The following HRH1 variants were observed in gnomAD, a reference collection of about 807,000 sequenced individuals.
The protein encoded by HRH1 is histamine H1 receptor.
In HRH1, 6 loss-of-function variants were observed where a neutral mutation model predicts 10.3. The ratio of observed to expected loss-of-function variants is 0.58; its 90% confidence interval spans 0.32 to 1.15. The LOEUF (loss-of-function observed/expected upper bound fraction) is 1.15, where lower values mean the gene tolerates loss of function less well. Among genes scored for constraint, HRH1 ranks in the 50% most tolerant of loss-of-function variants. The pLI, the probability that HRH1 is intolerant of heterozygous loss-of-function variation, is 0.05. For synonymous variants in HRH1, 242 were observed against 236.7 expected, an observed-to-expected ratio of 1.02 and a Z score of -0.21; for missense variants, 514 against 615.3, an observed-to-expected ratio of 0.84 and a Z score of 1.74.
At chr3:11,187,289 A>G (rs1400680675) in intron 1 of HRH1, among the ~76,000 whole-genome samples, 1 of 152,192 alleles carries the variant, frequency 6.6e-6, no homozygotes, top group African/African-American at 2.4e-5. Context: ...AAAAGGGTAT[A>G]GGAGGCTCCT....
intron 1 of HRH1, among the ~76,000 whole-genome samples, chr3:11,258,242 C>CAA (rs33992856): frequency 6.0e-4 from 46 of 76,322 alleles, no homozygotes; most frequent in Non-Finnish European, 8.5e-4. Context: ...TGATGTAAGC[C>CAA]AAAAAAAAAA....
At chr3:11,139,931 G>A (rs560086384) in intron 1 of HRH1, among the ~76,000 whole-genome samples, 1 of 152,244 alleles carries the variant, frequency 6.6e-6, no homozygotes, top group South Asian at 2.1e-4. Flanking sequence ...TATACTAAAA[G>A]CACTGAACTT....
At chr3:11,181,173 C>T (rs1051041146) in intron 1 of HRH1, among the ~76,000 whole-genome samples, 1 of 152,110 alleles carries the variant, frequency 6.6e-6, no homozygotes, top group African/African-American at 2.4e-5. Flanking sequence ...GTCCCAGCCA[C>T]TCAGGAGGCT....
At chr3:11,233,855 A>G (rs1363954527) in intron 1 of HRH1, among the ~76,000 whole-genome samples, 1 of 152,228 alleles carries the variant, frequency 6.6e-6, no homozygotes, top group Non-Finnish European at 1.5e-5. Flanking sequence ...TGTTTCTATT[A>G]CTTGTATTAT....
At chr3:11,180,335 G>A (rs1937328473) in intron 1 of HRH1, among the ~76,000 whole-genome samples, 2 of 152,144 alleles carry the variant, frequency 1.3e-5, no homozygotes, top group South Asian at 2.1e-4. Context: ...GGTTGAAGGG[G>A]ATGGTTTGAG....
chr3:11,256,008 C>A (rs1939771754), intron 1 of HRH1, among the ~76,000 whole-genome samples: 1 of 152,102 alleles, frequency 6.6e-6, no homozygotes, highest in African/African-American at 2.4e-5. Context: ...GGTGAAGCTG[C>A]AAGGTATTAG....
intron 1 of HRH1, among the ~76,000 whole-genome samples, chr3:11,185,681 G>A (rs1937440336): frequency 6.6e-6 from 1 of 152,150 alleles, no homozygotes; most frequent in Admixed American, 6.5e-5. Context: ...TTGCCTATCT[G>A]GAAAATGGGG....
At chr3:11,221,442 C>G (rs1263349183) in intron 1 of HRH1, among the ~76,000 whole-genome samples, 1 of 151,704 alleles carries the variant, frequency 6.6e-6, no homozygotes, top group Non-Finnish European at 1.5e-5. Context: ...GTAATCCCAG[C>G]TACTTGGGAG....
chr3:11,235,697 A>T (rs1939163199), intron 1 of HRH1, among the ~76,000 whole-genome samples: 1 of 152,152 alleles, frequency 6.6e-6, no homozygotes, highest in South Asian at 2.1e-4. Flanking sequence ...GAGTTGAGTC[A>T]CTTCATTACA....
rs1559283215 is a variant in HRH1, at chr3:11,242,509, A to AAAAAAAAAAAAAAAAAAAAAT, written c.-35-16494_-35-16493insAAAAAAAAAAAAAAAAAAAAT. On this transcript the variant is annotated intron_variant, in intron 1 of 1. Transcript: ENST00000431010. ...AAAAAAAAAAAAAAAAAAAAAAAAAAGCTGTAACACTCACTGCAAAGGTCT... is the reference window on the plus strand; with the variant it reads ...AAAAAAAAAAAAAAAAAAAAAAAAAAAAAAAAAAAAAAAAAAAAAATGCTGTAACACTCACTGCAAAGGTCT... 4.1e-5 allele frequency among the ~76,000 whole-genome samples: 5 copies of AAAAAAAAAAAAAAAAAAAAAT among 120,766 alleles called. 1 individual carries two copies. Among genetic ancestry groups the AAAAAAAAAAAAAAAAAAAAAT allele is most frequent in the African/African-American group, 1.7e-4 (5 of 30,178 alleles). 79.2% of individuals were successfully genotyped at this position (120,766 alleles called of 152,430 possible). A position where few individuals can be genotyped will look rare whatever the true frequency, so the allele number is the denominator to read the frequency against.
intron 1 of HRH1, among the ~76,000 whole-genome samples, chr3:11,241,116 T>C (rs76692478): frequency 1.3e-5 from 2 of 152,342 alleles, no homozygotes; most frequent in Non-Finnish European, 1.5e-5. Context: ...ATTTTCCCTA[T>C]TATAAAATAA....
intron 1 of HRH1, among the ~76,000 whole-genome samples, chr3:11,159,012 C>T (rs1936873780): frequency 6.6e-6 from 1 of 152,204 alleles, no homozygotes; most frequent in Non-Finnish European, 1.5e-5. Context: ...CTTTGGGAGG[C>T]CGAGGTGGGT....
chr3:11,258,975 A>C (rs1939856852), intron 1 of HRH1, 28 bp from the exon 2 acceptor site: 1 of 1,512,500 alleles, frequency 6.6e-7, no homozygotes, highest in Non-Finnish European at 8.9e-7. Context: ...CAAGTCTCTG[A>C]CCTTACTTTT....
chr3:11,262,977 T>C lies in HRH1; in HGVS notation c.*2476T>C, dbSNP rs1939996042. 6.0e-6 allele frequency: 1 copy of C among 167,110 alleles called. No homozygotes were observed. The highest frequency in any genetic ancestry group is 1.5e-5 in the Non-Finnish European group (1 of 68,116). The allele number at this position is 167,110 out of a possible 1,614,324, so 10.4% of individuals were successfully genotyped here. A position where few individuals can be genotyped will look rare whatever the true frequency, so the allele number is the denominator to read the frequency against. On this transcript the variant is annotated 3_prime_UTR_variant, in exon 2 of 2. Coordinates refer to ENST00000431010, the MANE Select transcript of HRH1 (RefSeq NM_001098212.2). ...ATGGTATTGGTGCCATTATGTAATGTTGCCTTTACAACAACCTCATGAGGG... is the reference window on the plus strand; with the variant it reads ...ATGGTATTGGTGCCATTATGTAATGCTGCCTTTACAACAACCTCATGAGGG...
chr3:11,258,787 C>T lies in HRH1; in HGVS notation c.-35-216C>T, dbSNP rs375046210. Among the ~76,000 whole-genome samples, 11 of 152,286 alleles carry T rather than the reference C, an allele frequency of 7.2e-5. No homozygotes were observed. In the South Asian group the frequency reaches 2.3e-3, roughly 32 times the overall value. ...TGTCTATTTTGTTCACAGCTATATT[C>T]TCAACACCTAGAAGAGTGACAGAAA... On this transcript the variant is annotated intron_variant, in intron 1 of 1. Coordinates refer to ENST00000431010, the MANE Select transcript of HRH1 (RefSeq NM_001098212.2).
chr3:11,235,689 G>A (rs1341295469), intron 1 of HRH1, among the ~76,000 whole-genome samples: 1 of 152,252 alleles, frequency 6.6e-6, no homozygotes, highest in Non-Finnish European at 1.5e-5. Flanking sequence ...AGCAAGGGGA[G>A]TTGAGTCACT....
At chr3:11,245,079 G>A (rs1293708466) in intron 1 of HRH1, among the ~76,000 whole-genome samples, 1 of 152,166 alleles carries the variant, frequency 6.6e-6, no homozygotes, top group African/African-American at 2.4e-5. Flanking sequence ...AGGGCCAGGT[G>A]TGGTGGCTAA....
intron 1 of HRH1, among the ~76,000 whole-genome samples, chr3:11,233,008 G>T (rs962772318): frequency 6.6e-6 from 1 of 152,138 alleles, no homozygotes; most frequent in African/African-American, 2.4e-5. Flanking sequence ...TTATGGTAAG[G>T]TGTTTTTCTC....
upstream of HRH1, among the ~76,000 whole-genome samples, chr3:11,153,623 A>G (rs141658374): frequency 4.6e-5 from 7 of 151,862 alleles, no homozygotes; most frequent in South Asian, 1.5e-3. Flanking sequence ...GTTCAAATGG[A>G]GTTTTCCCGG....
Sources: gnomAD v4.1 joint callset for allele counts (sites outside exome capture counted in the v4.1 genomes callset) on GRCh38, gnomAD v4.1.1 for gene constraint, MANE v1.5 for transcripts, NCBI Gene and HGNC (gene_info 2026-07-23, HGNC 2026-07-21) for gene names.